CLRN1: variants seen among roughly 807,000 people sequenced by gnomAD.
The protein encoded by CLRN1 is clarin-1.
Under a neutral mutation model 18.7 loss-of-function variants are expected in CLRN1, and 15 were observed. That is an observed-to-expected ratio of 0.80 (90% confidence interval 0.54 to 1.23). The LOEUF is 1.23. Among genes scored for constraint, CLRN1 ranks in the 50% most tolerant of loss-of-function variants. The pLI is 0.00. For synonymous variants in CLRN1, 104 were observed against 102.9 expected (o/e 1.01, Z -0.07); for missense variants, 311 against 277.5 (o/e 1.12, Z -0.86).
At chr3:150,943,490 G>A (rs2107954643) in intron 1 of CLRN1, among the ~76,000 whole-genome samples, 1 of 152,244 alleles carries the variant, frequency 6.6e-6, no homozygotes, top group Middle Eastern at 3.4e-3. Flanking sequence ...TGACTTCAGG[G>A]GAGAGTGACC....
chr3:150,954,064 G>A (rs77586446), intron 1 of CLRN1, among the ~76,000 whole-genome samples: 10,907 of 152,114 alleles, frequency 0.072, 1,279 homozygotes, highest in African/African-American at 0.25. Flanking sequence ...GACAAATGCA[G>A]ACAGTTGTGT....
rs999180153 is a variant in CLRN1, at chr3:150,926,582, G to A, written c.*1354C>T. 4 of 628,034 alleles carry A rather than the reference G, an allele frequency of 6.4e-6. No homozygotes were observed. Among genetic ancestry groups the A allele is most frequent in the Non-Finnish European group, 1.2e-5 (4 of 345,392 alleles). The allele number at this position is 628,034 out of a possible 1,614,324, so 38.9% of individuals were successfully genotyped here. A position where few individuals can be genotyped will look rare whatever the true frequency, so the allele number is the denominator to read the frequency against. On this transcript the variant is annotated 3_prime_UTR_variant, in exon 3 of 3. Coordinates refer to ENST00000327047, the MANE Select transcript of CLRN1 (RefSeq NM_174878.3). ...GGGAAAAACCAGCATCTGGAAACTC[G>A]GTGTGTTCTGATGTCTGCTGGCGAA...
At chr3:150,931,042 A>G (rs1713107203) in intron 2 of CLRN1, among the ~76,000 whole-genome samples, 1 of 152,222 alleles carries the variant, frequency 6.6e-6, no homozygotes, top group Non-Finnish European at 1.5e-5. Context: ...TTTCAGGGAC[A>G]GAGGATAGAA....
chr3:150,945,796 G>A lies in CLRN1; in HGVS notation c.254-4035C>T, dbSNP rs74490547. The A allele has an allele frequency of 2.6e-4, 124 of 482,642 alleles. No homozygotes were observed. In the East Asian group the frequency reaches 9.1e-3, roughly 36 times the overall value. 29.9% of individuals were successfully genotyped at this position (482,642 alleles called of 1,614,324 possible). A position where few individuals can be genotyped will look rare whatever the true frequency, so the allele number is the denominator to read the frequency against. The stretch of plus-strand genomic sequence containing the variant: ...TGTGTTAGCTAGGGTATGGGGAAAT[G>A]GGGACCCTTGTGCATTTTTCTTGGG... On this transcript the variant is annotated intron_variant, in intron 1 of 2. Transcript: ENST00000327047.
intron 1 of CLRN1, among the ~76,000 whole-genome samples, chr3:150,970,806 A>G (rs1715495575): frequency 6.6e-6 from 1 of 152,190 alleles, no homozygotes; most frequent in African/African-American, 2.4e-5. Flanking sequence ...AGGGGCACCC[A>G]ATTAGAACAA....
chr3:150,949,616 T>A (rs1417150541), intron 1 of CLRN1, among the ~76,000 whole-genome samples: 1 of 151,948 alleles, frequency 6.6e-6, no homozygotes, highest in African/African-American at 2.4e-5. Flanking sequence ...AAGAATACAA[T>A]ACCTAGGAAT....
At chr3:150,943,940 A>G (rs1267298503) in intron 1 of CLRN1, 1 of 1,599,206 alleles carries the variant, frequency 6.3e-7, no homozygotes, top group East Asian at 2.3e-5. Context: ...GGGCAGGCTG[A>G]GTAAATGGGG....
At chr3:150,947,787 T>A (rs1007869819) in intron 1 of CLRN1, among the ~76,000 whole-genome samples, 2 of 152,182 alleles carry the variant, frequency 1.3e-5, no homozygotes, top group African/African-American at 2.4e-5. Context: ...TTAAACAACA[T>A]GTTCCTGAAT....
At position 150,935,838 on chromosome 3, in the gene CLRN1, G is replaced by A. The variant is rs201160869; in HGVS notation, c.433+5744C>T. Among the ~76,000 whole-genome samples the A allele has an allele frequency of 1.9e-5, 2 of 107,020 alleles. 1 individual carries two copies. Among genetic ancestry groups the A allele is most frequent in the Non-Finnish European group, 4.2e-5 (2 of 47,328 alleles). The allele number at this position is 107,020 out of a possible 152,430, so 70.2% of individuals were successfully genotyped here. A position where few individuals can be genotyped will look rare whatever the true frequency, so the allele number is the denominator to read the frequency against. ...CCTGACTTTTTAATGATTGCCATTTGAACTGGTGTGAGATGGTATCTCATT... is the reference window on the plus strand; with the variant it reads ...CCTGACTTTTTAATGATTGCCATTTAAACTGGTGTGAGATGGTATCTCATT... On this transcript the variant is annotated intron_variant, in intron 2 of 2. Coordinates refer to ENST00000327047, the MANE Select transcript of CLRN1 (RefSeq NM_174878.3).
chr3:150,927,617 A>G lies in CLRN1; in HGVS notation c.*319T>C, dbSNP rs530688411. 7 of 499,204 alleles carry G rather than the reference A, an allele frequency of 1.4e-5. No homozygotes were observed. The East Asian group carries it at 3.2e-4, about 23-fold the overall frequency. 30.9% of individuals were successfully genotyped at this position (499,204 alleles called of 1,614,324 possible). On this transcript the variant is annotated 3_prime_UTR_variant, in exon 3 of 3. Coordinates refer to ENST00000327047, the MANE Select transcript of CLRN1 (RefSeq NM_174878.3). ...TCCATGTGCCTTTGATATCTTTTTG[A>G]TAGGAAGACATCTTACACACACACA...
In CLRN1 at chr3:150,927,931, G is replaced by A. The variant is rs111398745; in HGVS notation, c.*5C>T. On this transcript the variant is annotated 3_prime_UTR_variant, in exon 3 of 3. Coordinates refer to ENST00000327047, the MANE Select transcript of CLRN1 (RefSeq NM_174878.3). Reference sequence around the variant, plus strand: ...CCCTTGTAAAATTATAGAAAGGTTTGCCTTTCAGTACATTAGATCTGCAGC... The same window carrying A: ...CCCTTGTAAAATTATAGAAAGGTTTACCTTTCAGTACATTAGATCTGCAGC... 5.4e-4 allele frequency: 872 copies of A among 1,614,022 alleles called. 3 individuals are homozygous for A. In the African/African-American group the frequency reaches 9.1e-3, roughly 17 times the overall value.
At chr3:150,930,254 G>C (rs927469865) in intron 2 of CLRN1, among the ~76,000 whole-genome samples, 4 of 152,142 alleles carry the variant, frequency 2.6e-5, no homozygotes, top group Non-Finnish European at 5.9e-5. Context: ...GCTGGACTGT[G>C]GGGGGAGAGT....
At chr3:150,964,869 G>C (rs999440096) in intron 1 of CLRN1, among the ~76,000 whole-genome samples, 1 of 149,390 alleles carries the variant, frequency 6.7e-6, no homozygotes, top group Non-Finnish European at 1.5e-5. Context: ...ATGGACACAG[G>C]GAGGGGAATA....
intron 1 of CLRN1, among the ~76,000 whole-genome samples, chr3:150,946,881 A>G (rs757656119): frequency 7.0e-6 from 1 of 143,354 alleles, no homozygotes; most frequent in Non-Finnish European, 1.5e-5. Flanking sequence ...ATATCTCCCA[A>G]TGCTATCCCT....
At chr3:150,963,796 C>G (rs577859727) in intron 1 of CLRN1, among the ~76,000 whole-genome samples, 74 of 152,132 alleles carry the variant, frequency 4.9e-4, no homozygotes, top group Non-Finnish European at 7.6e-4. Flanking sequence ...ACAAACCTGA[C>G]AAAAACAAGC....
chr3:150,952,017 G>T (rs1714508150), intron 1 of CLRN1, among the ~76,000 whole-genome samples: 1 of 152,134 alleles, frequency 6.6e-6, no homozygotes, highest in African/African-American at 2.4e-5. Context: ...GCTCTGTTTG[G>T]AAGACTGTGG....
chr3:150,934,522 C>G (rs1394984952), intron 2 of CLRN1, among the ~76,000 whole-genome samples: 1 of 152,148 alleles, frequency 6.6e-6, no homozygotes, highest in Non-Finnish European at 1.5e-5. Context: ...TTTATCACCT[C>G]CAAAAGGCCT....
intron 1 of CLRN1, among the ~76,000 whole-genome samples, chr3:150,966,023 G>C (rs1715241336): frequency 6.6e-6 from 1 of 152,228 alleles, no homozygotes; most frequent in Non-Finnish European, 1.5e-5. Flanking sequence ...TCTGGGTAAA[G>C]AATGCCCTTG....
In CLRN1 at chr3:150,926,814, A is replaced by G. The variant is rs1482556997; in HGVS notation, c.*1122T>C. ...CTTTTTCCTTGGTGCTTTCTGGAGG[A>G]CAGCAGGTTGAGGATGAAGGAAGGG... is the stretch of plus-strand genomic sequence containing the variant. On this transcript the variant is annotated 3_prime_UTR_variant, in exon 3 of 3. Coordinates refer to ENST00000327047, the MANE Select transcript of CLRN1 (RefSeq NM_174878.3). The G allele has an allele frequency of 6.2e-7, 1 of 1,613,874 alleles. No homozygotes were observed. Among genetic ancestry groups the G allele is most frequent in the Non-Finnish European group, 8.5e-7 (1 of 1,179,994 alleles).
Sources: gnomAD v4.1 joint callset for allele counts (sites outside exome capture counted in the v4.1 genomes callset) on GRCh38, gnomAD v4.1.1 for gene constraint, MANE v1.5 for transcripts, NCBI Gene and HGNC (gene_info 2026-07-23, HGNC 2026-07-21) for gene names.